Variants in XYLT1 observed in about 807,000 individuals in gnomAD.
XYLT1 encodes beta-D-xylosyltransferase 1.
In XYLT1, 36 loss-of-function variants were observed where a neutral mutation model predicts 91.3. The ratio of observed to expected loss-of-function variants is 0.39; its 90% CI spans 0.30 to 0.52. The LOEUF is 0.52. Ranked by LOEUF, XYLT1 falls within the 20% of genes least tolerant of loss-of-function variation. XYLT1 has a pLI of 0.68. For synonymous variants in XYLT1, 588 were observed against 532.0 expected (o/e 1.11, Z -1.45); for missense variants, 1,242 against 1,284.5 (o/e 0.97, Z 0.51).
At chr16:17,258,945 T>G in intron 3 of XYLT1, 43 bp downstream of exon 3, 1 of 1,470,622 alleles carries the variant, frequency 6.8e-7, no homozygotes, top group Non-Finnish European at 9.0e-7. Context: ...GAGGAGGAAG[T>G]GGCCAGGAGA....
intron 1 of XYLT1, among the ~76,000 whole-genome samples, chr16:17,365,127 C>T (rs989814732): frequency 2.6e-5 from 4 of 152,290 alleles, no homozygotes; most frequent in East Asian, 1.9e-4. Flanking sequence ...ATTTCCAGGA[C>T]GGGTGCAAAG....
intron 5 of XYLT1, among the ~76,000 whole-genome samples, chr16:17,194,434 A>C (rs1012633482): frequency 1.3e-5 from 2 of 152,208 alleles, no homozygotes; most frequent in African/African-American, 4.8e-5. Context: ...CTTGGGCTTA[A>C]TGCGGGCCCC....
intron 1 of XYLT1, among the ~76,000 whole-genome samples, chr16:17,359,227 C>A (rs182498785): frequency 1.3e-5 from 2 of 152,158 alleles, no homozygotes; most frequent in African/African-American, 4.8e-5. Context: ...GATTTTAGGG[C>A]CCTGAAGTAC....
chr16:17,111,458 C>T (rs993753609), intron 11 of XYLT1, among the ~76,000 whole-genome samples: 14 of 152,246 alleles, frequency 9.2e-5, no homozygotes, highest in South Asian at 2.1e-4. Flanking sequence ...TCAGGCTTTG[C>T]GAGAGCTGAG....
intron 1 of XYLT1, among the ~76,000 whole-genome samples, chr16:17,402,764 A>C (rs553404677): frequency 1.5e-4 from 20 of 137,578 alleles, no homozygotes; most frequent in African/African-American, 5.6e-4. Flanking sequence ...TTTTTAAGAG[A>C]TAGGGTCTTA....
intron 5 of XYLT1, among the ~76,000 whole-genome samples, chr16:17,163,234 C>CA (rs980227986): frequency 6.6e-6 from 1 of 152,206 alleles, no homozygotes; most frequent in African/African-American, 2.4e-5. Context: ...CAGCTGGTGT[C>CA]AGACTTAGGG....
intron 2 of XYLT1, among the ~76,000 whole-genome samples, chr16:17,316,413 T>TATTTATTTATTTATTTATTTA (rs2034633476): frequency 1.3e-5 from 2 of 152,120 alleles, no homozygotes; most frequent in African/African-American, 4.8e-5. Context: ...ATTTATTTAT[T>TATTTATTTATTTATTTATTTA]TTTGAGACAG....
chr16:17,151,164 G>A (rs1397299692), intron 6 of XYLT1, among the ~76,000 whole-genome samples: 1 of 152,142 alleles, frequency 6.6e-6, no homozygotes, highest in African/African-American at 2.4e-5. Flanking sequence ...GGTGGCTCAC[G>A]CCTGTAATCC....
At chr16:17,260,031 A>T (rs2033700029) in intron 2 of XYLT1, among the ~76,000 whole-genome samples, 2 of 142,004 alleles carry the variant, frequency 1.4e-5, no homozygotes, top group South Asian at 4.2e-4. Flanking sequence ...AACCAGCCGC[A>T]ATTTTTTTTT....
chr16:17,375,980 AGT>A, intron 1 of XYLT1, among the ~76,000 whole-genome samples: 1 of 152,314 alleles, frequency 6.6e-6, no homozygotes, highest in East Asian at 1.9e-4. Flanking sequence ...TTAATCACTG[AGT>A]GTGTTTGCTT....
intron 3 of XYLT1, among the ~76,000 whole-genome samples, chr16:17,211,993 A>G (rs573261856): frequency 6.6e-6 from 1 of 152,318 alleles, no homozygotes; most frequent in Admixed American, 6.5e-5. Context: ...GTCTCCATTC[A>G]TTGATGTGTG....
At chr16:17,281,871 C>A (rs773066869) in intron 2 of XYLT1, among the ~76,000 whole-genome samples, 2 of 152,216 alleles carry the variant, frequency 1.3e-5, no homozygotes, top group Non-Finnish European at 2.9e-5. Flanking sequence ...TCCCTTATCA[C>A]ATGGATGCTG....
In XYLT1 at chr16:17,327,361, CTT is replaced by C. The variant is rs138879762; in HGVS notation, c.402+30649_402+30650del. Among the ~76,000 whole-genome samples, 257 of 108,058 alleles carry C rather than the reference CTT, an allele frequency of 2.4e-3. 1 individual carries two copies. The highest frequency in any genetic ancestry group is 0.016 in the East Asian group (67 of 4,074). 70.9% of individuals were successfully genotyped at this position (108,058 alleles called of 152,430 possible). ...ACAACTTCCTTTTCTTTTCTTTTTTCTTTTTTTTTTTTTTTTTTTGAGATAGA... is the reference window on the plus strand; with the variant it reads ...ACAACTTCCTTTTCTTTTCTTTTTTCTTTTTTTTTTTTTTTTTGAGATAGA... On this transcript the variant is annotated intron_variant, in intron 2 of 11. Transcript: ENST00000261381.
rs976570863 is a variant in XYLT1, at chr16:17,149,534, G to T, written c.1371-8165C>A. Reference sequence around the variant, plus strand: ...TCCTTCAGCATAAGTACAACCTAAGGATTTTAGTTAAAAAATAAAGTCATG... The same window carrying T: ...TCCTTCAGCATAAGTACAACCTAAGTATTTTAGTTAAAAAATAAAGTCATG... On this transcript the variant is annotated intron_variant, in intron 6 of 11. Transcript: ENST00000261381. Among the ~76,000 whole-genome samples, 4 of 152,138 alleles carry T rather than the reference G, an allele frequency of 2.6e-5. No homozygotes were observed. In the South Asian group the frequency reaches 8.3e-4, roughly 32 times the overall value.
chr16:17,403,796 A>G (rs1439724156), intron 1 of XYLT1, among the ~76,000 whole-genome samples: 1 of 152,228 alleles, frequency 6.6e-6, no homozygotes, highest in Non-Finnish European at 1.5e-5. Context: ...CCCTTTCCTC[A>G]AAGCCCATCT....
At chr16:17,440,998 T>C (rs191497686) in intron 1 of XYLT1, among the ~76,000 whole-genome samples, 1 of 152,200 alleles carries the variant, frequency 6.6e-6, no homozygotes, top group Admixed American at 6.5e-5. Context: ...AATGAGATAA[T>C]ATAGTTAAGG....
At chr16:17,334,278 A>C (rs4782003) in intron 2 of XYLT1, among the ~76,000 whole-genome samples, 74,617 of 152,012 alleles carry the variant, frequency 0.49, 18,749 homozygotes, top group Admixed American at 0.59. Flanking sequence ...ACTGCGTGCT[A>C]AGTGTTTCCT....
At chr16:17,398,473 G>A (rs1390597741) in intron 1 of XYLT1, among the ~76,000 whole-genome samples, 1 of 152,222 alleles carries the variant, frequency 6.6e-6, no homozygotes, top group Admixed American at 6.5e-5. Flanking sequence ...GGATTTAAGT[G>A]AGTATGAGTG....
At chr16:17,149,333 C>T (rs1005679029) in intron 6 of XYLT1, among the ~76,000 whole-genome samples, 1 of 152,070 alleles carries the variant, frequency 6.6e-6, no homozygotes, top group Non-Finnish European at 1.5e-5. Flanking sequence ...TACAGCATGT[C>T]TGAGCAAGAA....
Sources: allele counts gnomAD v4.1 joint callset (sites outside exome capture counted in the v4.1 genomes callset), GRCh38; gene constraint gnomAD v4.1.1; transcripts MANE v1.5; gene names NCBI Gene and HGNC (gene_info 2026-07-23, HGNC 2026-07-21).